TMEM150C: variants seen among roughly 807,000 people sequenced by gnomAD.
TMEM150C encodes transmembrane protein 150C.
In TMEM150C, 10 loss-of-function variants were observed where a neutral mutation model predicts 29.9. The ratio of observed to expected loss-of-function variants is 0.33; its 90% CI spans 0.21 to 0.57. The LOEUF (loss-of-function observed/expected upper bound fraction) is 0.57. Ranked by LOEUF, TMEM150C falls within the 20% of genes least tolerant of loss-of-function variation. The pLI, the probability that TMEM150C is intolerant of heterozygous loss-of-function variation, is 0.88. For missense variants in TMEM150C, 251 were observed against 303.6 expected (o/e 0.83, Z 1.29); for synonymous variants, 101 against 112.5 (o/e 0.90, Z 0.64).
intron 1 of TMEM150C, among the ~76,000 whole-genome samples, chr4:82,511,777 C>T (rs1439864982): frequency 2.0e-5 from 3 of 152,214 alleles, no homozygotes; most frequent in African/African-American, 7.2e-5. Flanking sequence ...TGTCCCTACA[C>T]TATTGACAGA....
intron 1 of TMEM150C, among the ~76,000 whole-genome samples, chr4:82,537,425 T>C (rs545724148): frequency 2.1e-4 from 32 of 152,356 alleles, no homozygotes; most frequent in African/African-American, 7.0e-4. Flanking sequence ...ATACCATTGA[T>C]GATAAATGAG....
intron 5 of TMEM150C, among the ~76,000 whole-genome samples, chr4:82,498,018 ATT>A (rs11338487): frequency 8.3e-4 from 124 of 148,650 alleles, no homozygotes; most frequent in South Asian, 1.3e-3. Flanking sequence ...AGCACACTTA[ATT>A]TTTTTTTTTT....
intron 1 of TMEM150C, among the ~76,000 whole-genome samples, chr4:82,520,956 G>A (rs563712933): frequency 6.6e-6 from 1 of 152,064 alleles, no homozygotes; most frequent in Non-Finnish European, 1.5e-5. Flanking sequence ...CTGACTTTAC[G>A]CACTACTCAC....
intron 1 of TMEM150C, among the ~76,000 whole-genome samples, chr4:82,515,815 AAAAC>A (rs1724279341): frequency 6.6e-6 from 1 of 152,122 alleles, no homozygotes; most frequent in South Asian, 2.1e-4. Flanking sequence ...CCCTAAGGCA[AAAAC>A]AAACAAACCA....
At chr4:82,530,339 C>T (rs1231013247) in intron 1 of TMEM150C, among the ~76,000 whole-genome samples, 1 of 151,914 alleles carries the variant, frequency 6.6e-6, no homozygotes, top group African/African-American at 2.4e-5. Flanking sequence ...GGGTGGATCA[C>T]GAGGTTAGGA....
chr4:82,528,463 A>C (rs772332599), intron 1 of TMEM150C, among the ~76,000 whole-genome samples: 1 of 152,190 alleles, frequency 6.6e-6, no homozygotes, highest in Non-Finnish European at 1.5e-5. Flanking sequence ...AAAGGTGGGG[A>C]TGAAGATGGC....
At chr4:82,550,973 G>A (rs1402932928) in intron 1 of TMEM150C, among the ~76,000 whole-genome samples, 1 of 152,152 alleles carries the variant, frequency 6.6e-6, no homozygotes, top group Non-Finnish European at 1.5e-5. Context: ...TTTAGTGGAG[G>A]TGAAGATGCT....
chr4:82,515,430 G>C (rs1366361005), intron 1 of TMEM150C, among the ~76,000 whole-genome samples: 1 of 152,100 alleles, frequency 6.6e-6, no homozygotes, highest in East Asian at 1.9e-4. Context: ...CAATATGACT[G>C]ACTCAGCAGT....
chr4:82,500,876 A>T (rs1192063206), intron 5 of TMEM150C, among the ~76,000 whole-genome samples: 2 of 152,218 alleles, frequency 1.3e-5, no homozygotes, highest in African/African-American at 4.8e-5. Context: ...GCTTTTTTAT[A>T]TTTCAGGCTT....
chr4:82,508,685 C>T (rs2079143652), intron 1 of TMEM150C, among the ~76,000 whole-genome samples: 1 of 152,106 alleles, frequency 6.6e-6, no homozygotes, highest in Admixed American at 6.5e-5. Flanking sequence ...AGGCTAGTCT[C>T]GAATTCCTGA....
chr4:82,505,401 A>G (rs1000590311), intron 1 of TMEM150C, among the ~76,000 whole-genome samples: 2 of 152,200 alleles, frequency 1.3e-5, no homozygotes, highest in African/African-American at 4.8e-5. Context: ...ACATTTAAGA[A>G]AAGACAAAAG....
At chr4:82,530,921 C>A (rs1446655219) in intron 1 of TMEM150C, among the ~76,000 whole-genome samples, 3 of 152,108 alleles carry the variant, frequency 2.0e-5, no homozygotes, top group Admixed American at 2.0e-4. Context: ...TTTTAAATAA[C>A]CAGATCTCAT....
At chr4:82,495,820 C>A (rs931773027) in intron 6 of TMEM150C, 13 of 479,364 alleles carry the variant, frequency 2.7e-5, no homozygotes, top group Admixed American at 1.2e-4. Flanking sequence ...ATAAAAAGTA[C>A]GAAGTTTGCG....
At position 82,507,346 on chromosome 4, in the gene TMEM150C, G is replaced by A. The variant is rs143560371; in HGVS notation, c.-10-2679C>T. Among the ~76,000 whole-genome samples, 91 of 152,136 alleles carry A rather than the reference G, an allele frequency of 6.0e-4. 1 individual carries two copies. The highest frequency in any genetic ancestry group is 3.2e-3 in the Admixed American group (49 of 15,272). On this transcript the variant is annotated intron_variant, in intron 1 of 7. Transcript: ENST00000449862. ...TTTTAGGAATGTCTATATGGGAATC[G>A]AAATTTTCAAGCAGGGAGGTAGAGT...
rs1477425902 is a variant in TMEM150C at position 82,504,622 on chromosome 4, T to G, written c.36A>C (p.Leu12=). The change falls in exon 2 of 8, where the codon CTA becomes CTC. Residue 12 remains leucine (L), a synonymous_variant. Transcript: ENST00000449862. ...DGKKCSVWMF[L]PLVFTLFTSA... ...AAGTAAACAAAGTAAATACAAGAGG[T>G]AGGAACATCCATACGCTGCATTTCT... is the stretch of plus-strand genomic sequence containing the variant. The G allele has an allele frequency of 6.2e-7, 1 of 1,613,710 alleles. No individual in the cohort carries two copies. Among genetic ancestry groups the G allele is most frequent in the African/African-American group, 1.3e-5 (1 of 75,044 alleles).
chr4:82,516,177 T>A (rs1346375754), intron 1 of TMEM150C, among the ~76,000 whole-genome samples: 2 of 152,096 alleles, frequency 1.3e-5, no homozygotes, highest in African/African-American at 2.4e-5. Context: ...TCAGGTTGAA[T>A]CTTATGTGGC....
In TMEM150C at chr4:82,503,047, G is replaced by T. The variant is rs574738857; in HGVS notation, c.134+12C>A. On this transcript the variant is annotated intron_variant, in intron 3 of 7. Coordinates refer to ENST00000449862, the MANE Select transcript of TMEM150C (RefSeq NM_001080506.3). ...CTTGATGAACAACGAATTACCCACA[G>T]ATAAACTTTACCTTTCAGCTGAATT... 1.9e-6 allele frequency: 3 copies of T among 1,612,354 alleles called. No homozygotes were observed. The African/African-American group carries it at 4.0e-5, about 22-fold the overall frequency.
chr4:82,491,949 G>GTTT (rs1193911170), intron 6 of TMEM150C, among the ~76,000 whole-genome samples: 2 of 144,892 alleles, frequency 1.4e-5, no homozygotes, highest in African/African-American at 2.6e-5. Context: ...TTTTTTTTTG[G>GTTT]TTTTTTTTTT....
At position 82,484,496 on chromosome 4, in the gene TMEM150C, G is replaced by A. The variant is rs563336391; in HGVS notation, c.*1015C>T. 4 of 151,382 alleles carry A rather than the reference G, an allele frequency of 2.6e-5. No homozygotes were observed. Among genetic ancestry groups the A allele is most frequent in the South Asian group, 2.1e-4 (1 of 4,782 alleles). The allele number at this position is 151,382 out of a possible 1,614,324, so 9.4% of individuals were successfully genotyped here. On this transcript the variant is annotated 3_prime_UTR_variant, in exon 8 of 8. Coordinates refer to ENST00000449862, the MANE Select transcript of TMEM150C (RefSeq NM_001080506.3). ...TGATTTGGACTTGCAACAAGATACTGTAAGGTGCCTATCTTTGATAAATGT... is the reference window on the plus strand; with the variant it reads ...TGATTTGGACTTGCAACAAGATACTATAAGGTGCCTATCTTTGATAAATGT...
Sources: allele counts gnomAD v4.1 joint callset (sites outside exome capture counted in the v4.1 genomes callset), GRCh38; gene constraint gnomAD v4.1.1; transcripts MANE v1.5; gene names NCBI Gene and HGNC (gene_info 2026-07-23, HGNC 2026-07-21).